SUMF1: variants seen among roughly 807,000 people sequenced by gnomAD.
The protein encoded by SUMF1 is sulfatase modifying factor 1, also known as formylglycine-generating enzyme.
SUMF1 carries 48 observed loss-of-function variants against 47.6 expected under a neutral mutation model. The observed-to-expected ratio is 1.01, with a 90% CI of 0.80 to 1.28. The LOEUF is 1.28. Among genes scored for constraint, SUMF1 ranks in the 50% most tolerant of loss-of-function variants. The pLI is 0.00. For synonymous variants in SUMF1, 230 were observed against 192.1 expected (o/e 1.20, Z -1.63); for missense variants, 571 against 485.4 (o/e 1.18, Z -1.66).
chr3:4,209,982 C>A (rs1426943433), intron 8 of SUMF1, among the ~76,000 whole-genome samples: 1 of 152,110 alleles, frequency 6.6e-6, no homozygotes, highest in African/African-American at 2.4e-5. Flanking sequence ...GTAACCTCCA[C>A]CTCCTGGGTT....
chr3:4,110,158 C>A (rs1450753503), intron 8 of SUMF1, among the ~76,000 whole-genome samples: 1 of 152,268 alleles, frequency 6.6e-6, no homozygotes, highest in South Asian at 2.1e-4. Flanking sequence ...GGACCCTCAG[C>A]TGCAGGTTGC....
intron 8 of SUMF1, among the ~76,000 whole-genome samples, chr3:4,151,295 G>A (rs183771944): frequency 6.7e-6 from 1 of 148,830 alleles, no homozygotes; most frequent in Admixed American, 6.7e-5. Flanking sequence ...AATATGGAGT[G>A]CTGCTGCTAG....
intron 8 of SUMF1, among the ~76,000 whole-genome samples, chr3:4,230,528 G>A (rs1696275236): frequency 6.6e-6 from 1 of 152,098 alleles, no homozygotes; most frequent in African/African-American, 2.4e-5. Context: ...GGCAAGAAAG[G>A]AGGAGACAGG....
chr3:4,418,153 A>G, intron 4 of SUMF1, 21 bp from the exon 5 acceptor site: 2 of 1,613,912 alleles, frequency 1.2e-6, no homozygotes, highest in Non-Finnish European at 1.7e-6. Flanking sequence ...GCAAAAGTAG[A>G]ATGAAAAGTG....
chr3:4,175,127 G>C (rs911727255), intron 8 of SUMF1, among the ~76,000 whole-genome samples: 1 of 152,190 alleles, frequency 6.6e-6, no homozygotes, highest in Non-Finnish European at 1.5e-5. Flanking sequence ...AAAGAAAGCA[G>C]ACAACTTCTG....
At chr3:4,239,015 C>CT (rs1559599915) in intron 8 of SUMF1, among the ~76,000 whole-genome samples, 2 of 152,070 alleles carry the variant, frequency 1.3e-5, no homozygotes, top group African/African-American at 4.8e-5. Context: ...TTCCCAACAC[C>CT]ATTTATTAAA....
intron 8 of SUMF1, among the ~76,000 whole-genome samples, chr3:4,243,778 C>T (rs1487802577): frequency 6.6e-6 from 1 of 151,780 alleles, no homozygotes; most frequent in Admixed American, 6.6e-5. Flanking sequence ...ATCTAAGGTT[C>T]GCATGATCCA....
chr3:4,041,438 A>T (rs1694906121), intron 9 of SUMF1, among the ~76,000 whole-genome samples: 1 of 152,196 alleles, frequency 6.6e-6, no homozygotes, highest in African/African-American at 2.4e-5. Flanking sequence ...CACCTGACAC[A>T]ATAACTACTT....
At chr3:4,153,627 T>C (rs1043807542) in intron 8 of SUMF1, among the ~76,000 whole-genome samples, 3 of 151,216 alleles carry the variant, frequency 2.0e-5, no homozygotes, top group Non-Finnish European at 2.9e-5. Context: ...TTAACTTTCT[T>C]ATTTACCATT....
intron 8 of SUMF1, among the ~76,000 whole-genome samples, chr3:4,126,214 G>C (rs958874294): frequency 2.7e-5 from 4 of 149,602 alleles, no homozygotes; most frequent in African/African-American, 9.9e-5. Flanking sequence ...AATATAATTT[G>C]TGCATCCTAG....
chr3:4,035,472 T>G (rs949562530), intron 9 of SUMF1, among the ~76,000 whole-genome samples: 1 of 152,218 alleles, frequency 6.6e-6, no homozygotes, highest in Admixed American at 6.5e-5. Context: ...GTGATTGGAT[T>G]AAGATCCCAA....
intron 8 of SUMF1, among the ~76,000 whole-genome samples, chr3:4,193,436 T>C (rs188882358): frequency 6.6e-6 from 1 of 152,134 alleles, no homozygotes; most frequent in East Asian, 1.9e-4. Flanking sequence ...AGCCAGTTGA[T>C]CAGAAGTGCA....
chr3:4,404,591 C>T (rs1338605189), intron 7 of SUMF1, among the ~76,000 whole-genome samples: 3 of 152,084 alleles, frequency 2.0e-5, no homozygotes, highest in Non-Finnish European at 2.9e-5. Context: ...AACCCCGTCT[C>T]GACTGAAAAT....
chr3:4,320,509 A>G (rs2125115951), intron 8 of SUMF1, among the ~76,000 whole-genome samples: 1 of 152,274 alleles, frequency 6.6e-6, no homozygotes, highest in South Asian at 2.1e-4. Context: ...TCAAAGGAGG[A>G]GGCAGATGGT....
chr3:4,173,775 A>G (rs1018518187), intron 8 of SUMF1, among the ~76,000 whole-genome samples: 1 of 152,158 alleles, frequency 6.6e-6, no homozygotes, highest in African/African-American at 2.4e-5. Context: ...AAACTAACAC[A>G]GGAAGAGAAA....
intron 3 of SUMF1, among the ~76,000 whole-genome samples, chr3:4,426,237 A>T (rs1379626809): frequency 6.6e-6 from 1 of 152,166 alleles, no homozygotes. Context: ...GTCTGTCTGT[A>T]AGACAGATCA....
intron 1 of SUMF1, among the ~76,000 whole-genome samples, chr3:4,457,891 T>C (rs1053802976): frequency 6.6e-6 from 1 of 152,024 alleles, no homozygotes; most frequent in African/African-American, 2.4e-5. Flanking sequence ...AATAAACAAA[T>C]AGGATTGTAT....
chr3:4,041,690 G>C (rs941257989), intron 9 of SUMF1, among the ~76,000 whole-genome samples: 1 of 152,098 alleles, frequency 6.6e-6, no homozygotes, highest in Non-Finnish European at 1.5e-5. Flanking sequence ...AGTTACAAGA[G>C]GGCAAAAATA....
At chr3:4,177,272 T>C (rs891326953) in intron 8 of SUMF1, among the ~76,000 whole-genome samples, 1 of 152,132 alleles carries the variant, frequency 6.6e-6, no homozygotes, top group African/African-American at 2.4e-5. Context: ...ATTCTAAAAT[T>C]GACCACATAA....
Sources: gnomAD v4.1 joint callset for allele counts (sites outside exome capture counted in the v4.1 genomes callset) on GRCh38, gnomAD v4.1.1 for gene constraint, MANE v1.5 for transcripts, NCBI Gene and HGNC (gene_info 2026-07-23, HGNC 2026-07-21) for gene names.